The following ARHGAP23 variants were observed in gnomAD, a reference collection of about 807,000 sequenced individuals.
ARHGAP23 encodes the protein Rho GTPase activating protein 23.
In ARHGAP23, 34 loss-of-function variants were observed where a neutral mutation model predicts 136.3. That is an observed-to-expected ratio of 0.25 (90% CI 0.19 to 0.33). The LOEUF (loss-of-function observed/expected upper bound fraction) is 0.33. ARHGAP23 is among the 10% of genes least tolerant of loss of function. The pLI, the probability that ARHGAP23 is intolerant of heterozygous loss-of-function variation, is 1.00. For synonymous variants in ARHGAP23, 832 were observed against 920.5 expected (o/e 0.90, Z 1.74); for missense variants, 1,808 against 2,139.0 (o/e 0.85, Z 3.05).
In ARHGAP23 at chr17:38,498,524, C is replaced by T. The variant is rs2040444069; in HGVS notation, c.3415+14C>T. On this transcript the variant is annotated intron_variant, in intron 22 of 23. Transcript: ENST00000622683. ...ACCCGGGGTCAGGTGAGCGCAGGGG[C>T]CTGGGAGTGGGGAGGCGGGAGGTTG... 3 of 1,528,184 alleles carry T rather than the reference C, an allele frequency of 2.0e-6. No individual in the cohort carries two copies. The highest frequency in any genetic ancestry group is 2.3e-4 in the Middle Eastern group (1 of 4,278). The allele number at this position is 1,528,184 out of a possible 1,614,324, so 94.7% of individuals were successfully genotyped here. A position where few individuals can be genotyped will look rare whatever the true frequency, so the allele number is the denominator to read the frequency against.
At chr17:38,490,007 A>G (rs2040238241) in intron 17 of ARHGAP23, 95 bp from the exon 18 acceptor site, 1 of 1,183,392 alleles carries the variant, frequency 8.5e-7, no homozygotes, top group Admixed American at 2.0e-5. Flanking sequence ...GAACTGGAGG[A>G]GTTCAAAACA....
At chr17:38,436,395 C>CA (rs1260084895) in intron 1 of ARHGAP23, among the ~76,000 whole-genome samples, 4 of 132,732 alleles carry the variant, frequency 3.0e-5, no homozygotes, top group South Asian at 2.5e-4. Context: ...CCCTACCCCC[C>CA]CAAAAAAAAC....
intron 6 of ARHGAP23, among the ~76,000 whole-genome samples, chr17:38,464,986 CGAGAGA>C (rs922256374): frequency 6.6e-6 from 1 of 151,966 alleles, no homozygotes; most frequent in Non-Finnish European, 1.5e-5. Context: ...GCCAGCCAGC[CGAGAGA>C]GAGTCGGGTG....
intron 1 of ARHGAP23, among the ~76,000 whole-genome samples, chr17:38,444,669 G>A (rs2038991970): frequency 1.3e-5 from 2 of 152,138 alleles, no homozygotes; most frequent in East Asian, 1.9e-4. Context: ...CTCCAAAGAT[G>A]ACAGTAGAGA....
intron 23 of ARHGAP23, among the ~76,000 whole-genome samples, chr17:38,504,460 C>T (rs990176857): frequency 3.9e-5 from 6 of 152,202 alleles, no homozygotes; most frequent in African/African-American, 1.2e-4. Context: ...CCTGGCCTCC[C>T]GCCAGGCTGT....
chr17:38,441,103 C>T (rs75515190), intron 1 of ARHGAP23, among the ~76,000 whole-genome samples: 1,865 of 152,332 alleles, frequency 0.012, 24 homozygotes, highest in African/African-American at 0.041. Context: ...AGTGACCATT[C>T]GGCCTATGCT....
intron 1 of ARHGAP23, among the ~76,000 whole-genome samples, chr17:38,444,721 C>T (rs765499259): frequency 1.3e-5 from 2 of 152,080 alleles, no homozygotes; most frequent in African/African-American, 4.8e-5. Flanking sequence ...AGGGAAAGGT[C>T]TTCCAGGCAG....
Position 38,511,055 on chromosome 17 carries a change from C to T in ARHGAP23, c.*83C>T, listed in dbSNP as rs2040755404. The T allele has an allele frequency of 3.0e-6, 4 of 1,314,414 alleles. No individual in the cohort carries two copies. The highest frequency in any genetic ancestry group is 2.8e-4 in the Middle Eastern group (1 of 3,632). The allele number at this position is 1,314,414 out of a possible 1,614,324, so 81.4% of individuals were successfully genotyped here. A position where few individuals can be genotyped will look rare whatever the true frequency, so the allele number is the denominator to read the frequency against. On this transcript the variant is annotated 3_prime_UTR_variant, in exon 24 of 24. Transcript: ENST00000622683. ...GAGGCTTCACCAGCCTGCACCTCCT[C>T]TTCTGTGGCCCCTGGGTGCATGGTG...
intron 16 of ARHGAP23, among the ~76,000 whole-genome samples, chr17:38,483,400 C>T (rs1244726324): frequency 2.0e-5 from 3 of 152,340 alleles, no homozygotes; most frequent in South Asian, 2.1e-4. Context: ...CCAGCAAGGC[C>T]GGCGATTCTC....
At chr17:38,479,667 G>C in intron 13 of ARHGAP23, 86 bp from the exon 14 acceptor site, 2 of 1,428,780 alleles carry the variant, frequency 1.4e-6, no homozygotes, top group Non-Finnish European at 1.9e-6. Context: ...GTGGAGGGGA[G>C]GTCCCGAGGG....
chr17:38,500,046 C>A (rs2040487361), intron 22 of ARHGAP23, among the ~76,000 whole-genome samples: 1 of 152,216 alleles, frequency 6.6e-6, no homozygotes, highest in Non-Finnish European at 1.5e-5. Context: ...CCAGCCCACT[C>A]CACCTCCTGC....
chr17:38,430,975 T>C (rs1048758280), intron 1 of ARHGAP23, among the ~76,000 whole-genome samples: 4 of 152,206 alleles, frequency 2.6e-5, no homozygotes, highest in African/African-American at 9.6e-5. Flanking sequence ...AAGAGGTAGA[T>C]ACCATTATTA....
Position 38,477,730 on chromosome 17 carries a change from G to A in ARHGAP23, c.2270G>A (p.Cys757Tyr). The A allele has an allele frequency of 6.5e-7, 1 of 1,547,332 alleles. No individual in the cohort carries two copies. Among genetic ancestry groups the A allele is most frequent in the Admixed American group, 2.0e-5 (1 of 50,828 alleles). The change falls in exon 12 of 24, where the codon TGC (cysteine) becomes TAC (tyrosine). Residue 757 changes from cysteine (C) to tyrosine (Y), a missense_variant. Cys to Tyr is a radical substitution (Grantham distance 194). Coordinates refer to ENST00000622683, the MANE Select transcript of ARHGAP23 (RefSeq NM_001199417.2). The surrounding 1 kb of genome is among the most constrained non-coding windows in gnomAD (Gnocchi z 6.6). The stretch of plus-strand genomic sequence containing the variant: ...GGTGAGGACGAGGCGGCGCCCGTCT[G>A]CATCGGCTCCTGCCTCGTGGACATC... Reference protein sequence around the residue: ...GAGEDEAAPVCIGSCLVDISY... With the variant: ...GAGEDEAAPVYIGSCLVDISY...
At chr17:38,465,232 G>A (rs2039560954) in intron 6 of ARHGAP23, among the ~76,000 whole-genome samples, 1 of 150,108 alleles carries the variant, frequency 6.7e-6, no homozygotes, top group Non-Finnish European at 1.5e-5. Flanking sequence ...GAGTGTGCGG[G>A]GGTGTGGTTT....
At chr17:38,489,786 T>C (rs921916065) in intron 17 of ARHGAP23, 5 of 319,390 alleles carry the variant, frequency 1.6e-5, no homozygotes, top group Non-Finnish European at 2.3e-5. Context: ...CTGCTGAACC[T>C]TGGTGTCCAT....
At chr17:38,498,260 C>G (rs566333241) in intron 21 of ARHGAP23, among the ~76,000 whole-genome samples, 154 bp from the exon 22 acceptor site, 1 of 152,314 alleles carries the variant, frequency 6.6e-6, no homozygotes, top group African/African-American at 2.4e-5. Context: ...GAATCATCCT[C>G]AAGAGCGCCC....
chr17:38,479,748 C>T lies in ARHGAP23; in HGVS notation c.2499-5C>T, dbSNP rs1486994680. Reference sequence around the variant, plus strand: ...ACCTCTCCTCTCCCCCTTTTTCCTACACAGCCATAGCTCTGGGCCCAAAGC... The same window carrying T: ...ACCTCTCCTCTCCCCCTTTTTCCTATACAGCCATAGCTCTGGGCCCAAAGC... On this transcript the variant is annotated splice_polypyrimidine_tract_variant and splice_region_variant and intron_variant, in intron 13 of 23. Transcript: ENST00000622683. The T allele has an allele frequency of 1.7e-5, 25 of 1,468,156 alleles. No homozygotes were observed. The highest frequency in any genetic ancestry group is 7.2e-5 in the African/African-American group (5 of 69,902). The allele number at this position is 1,468,156 out of a possible 1,614,324, so 90.9% of individuals were successfully genotyped here.
chr17:38,449,137 G>T (rs2039100667), intron 1 of ARHGAP23, among the ~76,000 whole-genome samples: 1 of 152,168 alleles, frequency 6.6e-6, no homozygotes, highest in Non-Finnish European at 1.5e-5. Flanking sequence ...AGGATTTTGT[G>T]CATTTGGCAT....
At chr17:38,450,563 A>G (rs1004878992) in intron 1 of ARHGAP23, 4 of 152,044 alleles carry the variant, frequency 2.6e-5, no homozygotes, top group African/African-American at 9.7e-5. Flanking sequence ...ACGTGCCACC[A>G]CACTTGGCTA....
Sources: allele counts gnomAD v4.1 joint callset (sites outside exome capture counted in the v4.1 genomes callset), GRCh38; gene constraint gnomAD v4.1.1; non-coding constraint Gnocchi (gnomAD v3.1); transcripts MANE v1.5; gene names NCBI Gene and HGNC (gene_info 2026-07-23, HGNC 2026-07-21).